The following TUSC3 variants were observed in gnomAD, a reference collection of about 807,000 sequenced individuals.
TUSC3 encodes the protein tumor suppressor candidate 3, also known as dolichyl-diphosphooligosaccharide--protein glycosyltransferase subunit TUSC3.
A neutral mutation model predicts 44.8 loss-of-function variants in TUSC3; 45 were observed. The observed-to-expected ratio is 1.00, with a 90% confidence interval of 0.79 to 1.29. The LOEUF (loss-of-function observed/expected upper bound fraction) is 1.29. Ranked by LOEUF, TUSC3 falls within the 50% of genes most tolerant of loss-of-function variation. The probability of loss-of-function intolerance (pLI) is 0.00; values close to 1 mark genes in which losing one functional copy is unlikely to be tolerated. For missense variants in TUSC3, 519 were observed against 437.9 expected, an observed-to-expected ratio of 1.19 and a Z score of -1.65; for synonymous variants, 212 against 152.9, an observed-to-expected ratio of 1.39 and a Z score of -2.85.
chr8:15,731,307 G>A (rs1488047209), intron 7 of TUSC3, among the ~76,000 whole-genome samples: 1 of 152,086 alleles, frequency 6.6e-6, no homozygotes, highest in African/African-American at 2.4e-5. Flanking sequence ...AGCATCTAAT[G>A]TGAATATTCT....
chr8:15,601,911 T>G (rs1176189948), intron 1 of TUSC3, among the ~76,000 whole-genome samples: 1 of 56,358 alleles, frequency 1.8e-5, no homozygotes, highest in Non-Finnish European at 3.8e-5. Flanking sequence ...TTGTGGTTAT[T>G]TATGTATTTT....
At chr8:15,800,281 C>G in the TUSC3 span, among the ~76,000 whole-genome samples, 4 of 152,140 alleles carry the variant, frequency 2.6e-5, 1 homozygote, top group South Asian at 8.3e-4. Context: ...ATGACATTTT[C>G]TCTCAGGCTG....
intron 1 of TUSC3, among the ~76,000 whole-genome samples, chr8:15,423,964 G>T (rs1799770505): frequency 1.6e-5 from 1 of 63,044 alleles, no homozygotes; most frequent in Non-Finnish European, 3.7e-5. Context: ...ATACTGTTTT[G>T]CTTTGTTTTT....
chr8:15,807,540 A>G, the TUSC3 span, among the ~76,000 whole-genome samples: 1 of 152,188 alleles, frequency 6.6e-6, no homozygotes, highest in African/African-American at 2.4e-5. Flanking sequence ...AAAGGAAAAT[A>G]AATCGTTCTC....
At chr8:15,844,889 A>C in the TUSC3 span, among the ~76,000 whole-genome samples, 1 of 152,154 alleles carries the variant, frequency 6.6e-6, no homozygotes, top group Admixed American at 6.6e-5. Flanking sequence ...TACTCTGAGG[A>C]CTATCCCTGA....
chr8:15,570,265 T>TACACAC (rs3070896), intron 1 of TUSC3, among the ~76,000 whole-genome samples: 5,252 of 148,100 alleles, frequency 0.035, 183 homozygotes, highest in East Asian at 0.19. Flanking sequence ...TAATGTATTT[T>TACACAC]ACACACACAC....
chr8:15,536,551 G>C (rs1469164980), upstream of TUSC3, among the ~76,000 whole-genome samples: 1 of 151,386 alleles, frequency 6.6e-6, no homozygotes, highest in Non-Finnish European at 1.5e-5. Context: ...GCGTGGTGGC[G>C]GGTGCCTATA....
chr8:15,813,250 T>C, the TUSC3 span, among the ~76,000 whole-genome samples: 1 of 152,180 alleles, frequency 6.6e-6, no homozygotes, highest in Non-Finnish European at 1.5e-5. Context: ...AGTGTGGAAC[T>C]AGACTGATTA....
chr8:15,529,286 C>G (rs552020655), intron 2 of TUSC3, among the ~76,000 whole-genome samples: 126 of 152,136 alleles, frequency 8.3e-4, no homozygotes, highest in African/African-American at 3.0e-3. Flanking sequence ...GATAGAAATT[C>G]TAGGGCAGAA....
At chr8:15,690,582 A>G (rs1244348459) in intron 6 of TUSC3, among the ~76,000 whole-genome samples, 2 of 152,100 alleles carry the variant, frequency 1.3e-5, no homozygotes, top group Non-Finnish European at 2.9e-5. Flanking sequence ...GCCAGATCCC[A>G]TCTCCAGAAT....
At chr8:15,641,930 T>C (rs1806390878) in intron 2 of TUSC3, among the ~76,000 whole-genome samples, 1 of 152,230 alleles carries the variant, frequency 6.6e-6, no homozygotes, top group Non-Finnish European at 1.5e-5. Context: ...TGGAAATGTT[T>C]ATTAACTTGA....
At chr8:15,758,098 A>T in intron 10 of TUSC3, 1 of 1,279,714 alleles carries the variant, frequency 7.8e-7, no homozygotes, top group Non-Finnish European at 9.9e-7. Context: ...GACAGATGCA[A>T]TGCTTCCACC....
the TUSC3 span, among the ~76,000 whole-genome samples, chr8:15,825,928 T>C: frequency 2.2e-5 from 3 of 137,916 alleles, no homozygotes; most frequent in Non-Finnish European, 4.6e-5. Flanking sequence ...CAAGAAGCAA[T>C]ACACCTAAAG....
intron 1 of TUSC3, among the ~76,000 whole-genome samples, chr8:15,595,402 AGCTGGTCTCT>A (rs1804025604): frequency 6.6e-6 from 1 of 152,106 alleles, no homozygotes; most frequent in Admixed American, 6.6e-5. Flanking sequence ...CTCAGGAGTC[AGCTGGTCTCT>A]GCCTGTACTC....
intron 1 of TUSC3, among the ~76,000 whole-genome samples, chr8:15,422,762 C>A (rs1799753656): frequency 6.6e-6 from 1 of 151,944 alleles, no homozygotes; most frequent in South Asian, 2.1e-4. Flanking sequence ...CCCACCTCAG[C>A]CTCCCAGGTA....
At chr8:15,806,269 G>T in the TUSC3 span, 1 of 616,902 alleles carries the variant, frequency 1.6e-6, no homozygotes, top group African/African-American at 1.8e-5. Context: ...GGCAGTCTGG[G>T]GATGTTCTCA....
At chr8:15,730,804 G>A (rs1403758785) in intron 7 of TUSC3, 75 bp downstream of exon 7, 6 of 1,427,422 alleles carry the variant, frequency 4.2e-6, no homozygotes, top group Non-Finnish European at 5.9e-6. Context: ...ATTTTTCCTG[G>A]CAGTAAATAT....
intron 2 of TUSC3, among the ~76,000 whole-genome samples, chr8:15,534,143 C>T (rs1801489657): frequency 6.6e-6 from 1 of 151,868 alleles, no homozygotes; most frequent in African/African-American, 2.4e-5. Context: ...GAGTTTGGGG[C>T]CTCAAGATTT....
intron 2 of TUSC3, among the ~76,000 whole-genome samples, chr8:15,519,524 T>A (rs1251342789): frequency 6.6e-6 from 1 of 152,136 alleles, no homozygotes; most frequent in East Asian, 1.9e-4. Context: ...GCCAGCATTA[T>A]GACCTGGGCT....
Sources: allele counts gnomAD v4.1 joint callset (sites outside exome capture counted in the v4.1 genomes callset), GRCh38; gene constraint gnomAD v4.1.1; transcripts MANE v1.5; gene names NCBI Gene and HGNC (gene_info 2026-07-23, HGNC 2026-07-21).